SLC25A32: variants seen among roughly 807,000 people sequenced by gnomAD.
SLC25A32 encodes Glycine auxotroph B, complementation of hamster.
Under a neutral mutation model 39.0 loss-of-function variants are expected in SLC25A32, and 32 were observed. The ratio of observed to expected loss-of-function variants is 0.82; its 90% CI spans 0.62 to 1.10. SLC25A32 has a LOEUF of 1.10. Among genes scored for constraint, SLC25A32 ranks in the 50% least tolerant of loss-of-function variants. The probability of loss-of-function intolerance (pLI) is 0.00; values close to 1 mark genes in which losing one functional copy is unlikely to be tolerated. For synonymous variants in SLC25A32, 166 were observed against 152.4 expected (o/e 1.09, Z -0.66); for missense variants, 367 against 395.3 (o/e 0.93, Z 0.61).
chr8:103,409,269 T>C (rs577295365), intron 1 of SLC25A32, among the ~76,000 whole-genome samples: 3 of 152,308 alleles, frequency 2.0e-5, no homozygotes, highest in Admixed American at 1.3e-4. Flanking sequence ...AATTTTACTA[T>C]ATATAATTTT....
chr8:103,409,101 T>C (rs890330970), intron 1 of SLC25A32, among the ~76,000 whole-genome samples: 7 of 152,330 alleles, frequency 4.6e-5, no homozygotes, highest in Admixed American at 4.6e-4. Flanking sequence ...TGTGAGCAGG[T>C]TATAGAAAAC....
chr8:103,404,013 TAA>T (rs1459598528), intron 3 of SLC25A32, among the ~76,000 whole-genome samples: 4 of 152,210 alleles, frequency 2.6e-5, no homozygotes, highest in Non-Finnish European at 5.9e-5. Context: ...CAAAAATGAT[TAA>T]GTTAGGTTTT....
intron 1 of SLC25A32, among the ~76,000 whole-genome samples, chr8:103,408,721 A>G (rs547156734): frequency 6.6e-6 from 1 of 152,332 alleles, no homozygotes; most frequent in Admixed American, 6.5e-5. Flanking sequence ...AGAGTGTTCC[A>G]TATAACTCAA....
intron 2 of SLC25A32, among the ~76,000 whole-genome samples, chr8:103,405,253 A>G (rs952055869): frequency 1.3e-5 from 2 of 152,230 alleles, no homozygotes; most frequent in African/African-American, 4.8e-5. Context: ...TTAGCTTTCT[A>G]ATAGATGATA....
intron 5 of SLC25A32, 118 bp downstream of exon 5, chr8:103,401,823 A>G: frequency 2.1e-6 from 2 of 962,502 alleles, no homozygotes; most frequent in Non-Finnish European, 3.0e-6. Context: ...AAATTAAATC[A>G]GTGGCAGAGC....
chr8:103,403,325 C>A lies in SLC25A32; in HGVS notation c.392-1G>T. 6.3e-7 allele frequency: 1 copy of A among 1,588,472 alleles called. No individual in the cohort carries two copies. Among genetic ancestry groups the A allele is most frequent in the South Asian group, 1.1e-5 (1 of 87,236 alleles). On this transcript the variant is annotated splice_acceptor_variant, in intron 3 of 6. Coordinates refer to ENST00000297578, the MANE Select transcript of SLC25A32 (RefSeq NM_030780.5). LOFTEE classifies it high-confidence loss of function. ...TTTGTAATGCAGAGGGTCATGGCTC[C>A]TAAAATGAGATTTCAATAAGATTAT... is the stretch of plus-strand genomic sequence containing the variant.
In SLC25A32 at chr8:103,415,029, G is replaced by C. The variant is rs1816568171; in HGVS notation, c.-92C>G. ...CACCGTGGCGACGGTCGCCCCTTGT[G>C]AGCGCAACCCCACCTCCGGGACCAA... On this transcript the variant is annotated 5_prime_UTR_variant, in exon 1 of 7. Coordinates refer to ENST00000297578, the MANE Select transcript of SLC25A32 (RefSeq NM_030780.5). 1 of 1,593,164 alleles carries C rather than the reference G, an allele frequency of 6.3e-7. No homozygotes were observed. The highest frequency in any genetic ancestry group is 1.8e-5 in the Admixed American group (1 of 56,912).
chr8:103,414,853 C>T lies in SLC25A32; in HGVS notation c.85G>A (p.Gly29Ser). The change falls in exon 1 of 7, where the codon GGC (glycine) becomes AGC (serine). Residue 29 changes from glycine to serine, a missense_variant. Transcript: ENST00000297578. The stretch of plus-strand genomic sequence containing the variant: ...TTGGATAAGACGCCGCCGCTCACGC[C>T]CGCTATCAGGTTCTCATACCGGACG... ...RHVRYENLIA[G>S]VSGGVLSNLA... 1 of 1,613,612 alleles carries T rather than the reference C, an allele frequency of 6.2e-7. No homozygotes were observed.
intron 1 of SLC25A32, 54 bp downstream of exon 1, chr8:103,414,729 TC>T: frequency 6.2e-7 from 1 of 1,607,834 alleles, no homozygotes; most frequent in Non-Finnish European, 8.5e-7. Context: ...ACGGAGGAGA[TC>T]CAGTTCGGGC....
intron 2 of SLC25A32, among the ~76,000 whole-genome samples, chr8:103,406,964 T>C (rs1016352085): frequency 2.0e-5 from 3 of 152,216 alleles, no homozygotes; most frequent in African/African-American, 4.8e-5. Flanking sequence ...TTTATCAAAA[T>C]TGAATACCAA....
chr8:103,405,386 T>C (rs1335886606), intron 2 of SLC25A32, among the ~76,000 whole-genome samples: 1 of 152,146 alleles, frequency 6.6e-6, no homozygotes, highest in Non-Finnish European at 1.5e-5. Context: ...ATGACTGAGA[T>C]CACAGAAGGC....
rs530363717 is a variant in SLC25A32 at position 103,404,866 on chromosome 8, A to C, written c.306-5T>G. 1 of 1,599,648 alleles carries C rather than the reference A, an allele frequency of 6.3e-7. No individual in the cohort carries two copies. Among genetic ancestry groups the C allele is most frequent in the South Asian group, 1.1e-5 (1 of 90,706 alleles). ...TATGACTTGATGGCATTGTAACTAA[A>C]AGAATTAAATGTGAGCAGTTTAATT... On this transcript the variant is annotated splice_region_variant and splice_polypyrimidine_tract_variant and intron_variant, in intron 2 of 6. Coordinates refer to ENST00000297578, the MANE Select transcript of SLC25A32 (RefSeq NM_030780.5).
At chr8:103,408,277 A>G (rs1816387380) in intron 1 of SLC25A32, among the ~76,000 whole-genome samples, 1 of 151,966 alleles carries the variant, frequency 6.6e-6, no homozygotes, top group African/African-American at 2.4e-5. Context: ...GTGAGCCACT[A>G]TGCCCAGCCC....
intron 1 of SLC25A32, among the ~76,000 whole-genome samples, chr8:103,412,164 T>C (rs1395342501): frequency 6.6e-6 from 1 of 152,222 alleles, no homozygotes; most frequent in Non-Finnish European, 1.5e-5. Flanking sequence ...AAGCACTCTG[T>C]AAGTACTAGT....
intron 1 of SLC25A32, among the ~76,000 whole-genome samples, chr8:103,411,789 C>T (rs1014985772): frequency 6.6e-6 from 1 of 152,230 alleles, no homozygotes; most frequent in African/African-American, 2.4e-5. Context: ...TCCTGCCCTA[C>T]TAAGGGTTGT....
At chr8:103,404,111 T>C (rs147663787) in intron 3 of SLC25A32, among the ~76,000 whole-genome samples, 1 of 152,308 alleles carries the variant, frequency 6.6e-6, no homozygotes, top group East Asian at 1.9e-4. Context: ...CTGGATAGTA[T>C]ACATAAGTGA....
intron 1 of SLC25A32, among the ~76,000 whole-genome samples, chr8:103,409,548 T>C (rs768833521): frequency 2.0e-5 from 3 of 152,156 alleles, no homozygotes; most frequent in Non-Finnish European, 4.4e-5. Flanking sequence ...GGAACTGATA[T>C]GGGTCAATGG....
Position 103,398,882 on chromosome 8 carries a change from AC to A in SLC25A32, c.*1528del, listed in dbSNP as rs1195980791. The A allele has an allele frequency of 6.6e-6, 1 of 152,248 alleles. No homozygotes were observed. Among genetic ancestry groups the A allele is most frequent in the Non-Finnish European group, 1.5e-5 (1 of 68,038 alleles). The allele number at this position is 152,248 out of a possible 1,614,324, so 9.4% of individuals were successfully genotyped here. On this transcript the variant is annotated 3_prime_UTR_variant, in exon 7 of 7. Transcript: ENST00000297578. Reference sequence around the variant, plus strand: ...TTACAGTAAATACAATTAGGTACTTACCATTTTATCTTTACTTTAAAAACAA... The same window carrying A: ...TTACAGTAAATACAATTAGGTACTTACATTTTATCTTTACTTTAAAAACAA...
In SLC25A32 at chr8:103,403,186, T is replaced by C. The variant is rs772497373; in HGVS notation, c.530A>G (p.Glu177Gly). ...TACCTTATATAATCCACGCACACCTTCATACTTATATATTTTCACAAGTGT... is the reference window on the plus strand; with the variant it reads ...TACCTTATATAATCCACGCACACCTCCATACTTATATATTTTCACAAGTGT... ...FDTLVKIYKY[E>G]GVRGLYKGFV... The change falls in exon 4 of 7, where the codon GAA becomes GGA. Residue 177 changes from glutamate to glycine, a missense_variant. Coordinates refer to ENST00000297578, the MANE Select transcript of SLC25A32 (RefSeq NM_030780.5). The C allele has an allele frequency of 6.2e-7, 1 of 1,609,668 alleles. No homozygotes were observed. The highest frequency in any genetic ancestry group is 8.5e-7 in the Non-Finnish European group (1 of 1,176,886).
Sources: allele counts gnomAD v4.1 joint callset (sites outside exome capture counted in the v4.1 genomes callset), GRCh38; gene constraint gnomAD v4.1.1; transcripts MANE v1.5; gene names NCBI Gene and HGNC (gene_info 2026-07-23, HGNC 2026-07-21).